The following PPP3CA variants were observed in gnomAD, a reference collection of about 807,000 sequenced individuals.
The protein encoded by PPP3CA is protein phosphatase 3 catalytic subunit alpha.
Under a neutral mutation model 66.5 loss-of-function variants are expected in PPP3CA, and 14 were observed. That is an observed-to-expected ratio of 0.21 (90% CI 0.14 to 0.33). PPP3CA has a LOEUF of 0.33. PPP3CA is among the 10% of genes least tolerant of loss of function. The probability of loss-of-function intolerance (pLI) is 1.00; values close to 1 mark genes in which losing one functional copy is unlikely to be tolerated. For missense variants in PPP3CA, 317 were observed against 639.5 expected (o/e 0.50, Z 5.44); for synonymous variants, 232 against 226.2 (o/e 1.03, Z -0.23).
intron 11 of PPP3CA, among the ~76,000 whole-genome samples, chr4:101,037,679 T>G (rs756425836): frequency 2.6e-5 from 4 of 152,176 alleles, no homozygotes; most frequent in Non-Finnish European, 5.9e-5. Flanking sequence ...GCAATTAACA[T>G]GTATAGTGAA....
chr4:101,340,557 G>GGAAT (rs1729781621), intron 1 of PPP3CA, among the ~76,000 whole-genome samples: 1 of 151,896 alleles, frequency 6.6e-6, no homozygotes, highest in Non-Finnish European at 1.5e-5. Context: ...TAACCATGGA[G>GGAAT]GAATACACAA....
chr4:101,189,831 G>A (rs780043568), intron 2 of PPP3CA, among the ~76,000 whole-genome samples: 4 of 151,720 alleles, frequency 2.6e-5, no homozygotes, highest in Non-Finnish European at 4.4e-5. Context: ...AAGCATGTTC[G>A]CTAAAATGAA....
chr4:101,201,194 T>C (rs1385354439), intron 1 of PPP3CA, among the ~76,000 whole-genome samples: 1 of 152,246 alleles, frequency 6.6e-6, no homozygotes, highest in Non-Finnish European at 1.5e-5. Context: ...AAATTGCTTA[T>C]CTAGCTTTCT....
At position 101,346,771 on chromosome 4, in the gene PPP3CA, G is replaced by C. The variant is rs777239762; in HGVS notation, c.26C>G (p.Pro9Arg). 1 of 1,611,748 alleles carries C rather than the reference G, an allele frequency of 6.2e-7. No homozygotes were observed. Among genetic ancestry groups the C allele is most frequent in the Non-Finnish European group, 8.5e-7 (1 of 1,179,252 alleles). MSEPKAID[P>R]KLSTTDRVVK... ...CACCCTGTCGGTCGTCGACAACTTG[G>C]GATCAATTGCCTTGGGCTCGGACAT... The change falls in exon 1 of 14, where the codon CCC (proline) becomes CGC (arginine). Residue 9 changes from proline to arginine, a missense_variant. By Grantham distance (103) the Pro-to-Arg change is moderately radical. Coordinates refer to ENST00000394854, the MANE Select transcript of PPP3CA (RefSeq NM_000944.5).
chr4:101,030,075 C>T (rs931122129), intron 12 of PPP3CA, among the ~76,000 whole-genome samples: 5 of 151,998 alleles, frequency 3.3e-5, no homozygotes, highest in Admixed American at 6.6e-5. Flanking sequence ...TTGAAAAGCC[C>T]ACTGCTTTAT....
Position 101,025,819 on chromosome 4 carries a change from T to TA in PPP3CA, c.*45_*46insT. 1 of 865,046 alleles carries TA rather than the reference T, an allele frequency of 1.2e-6. No homozygotes were observed. Among genetic ancestry groups the TA allele is most frequent in the South Asian group, 1.8e-5 (1 of 56,406 alleles). The allele number at this position is 865,046 out of a possible 1,614,324, so 53.6% of individuals were successfully genotyped here. A position where few individuals can be genotyped will look rare whatever the true frequency, so the allele number is the denominator to read the frequency against. ...AGCAATCCCCATCATGCCCCGCAGC[T>TA]CAAAAAAAAAAAAAAAAAAAAAAAA... On this transcript the variant is annotated 3_prime_UTR_variant, in exon 14 of 14. Transcript: ENST00000394854.
intron 1 of PPP3CA, among the ~76,000 whole-genome samples, chr4:101,335,917 G>C (rs1729615037): frequency 6.6e-6 from 1 of 152,166 alleles, no homozygotes; most frequent in African/African-American, 2.4e-5. Context: ...GGAGGACCTA[G>C]AAACTGGCCG....
Position 101,326,783 on chromosome 4 carries a change from C to T in PPP3CA, c.58+19956G>A, listed in dbSNP as rs552889936. The stretch of plus-strand genomic sequence containing the variant: ...GGTCTACAAGTAACATAAGCTTTTC[C>T]TCCCACTCACTCCCTTCATTTACAA... On this transcript the variant is annotated intron_variant, in intron 1 of 13. Transcript: ENST00000394854. 1.3e-5 allele frequency among the ~76,000 whole-genome samples: 2 copies of T among 152,304 alleles called. 1 individual carries two copies. The highest frequency in any genetic ancestry group is 4.1e-4 in the South Asian group (2 of 4,826).
intron 1 of PPP3CA, among the ~76,000 whole-genome samples, chr4:101,254,108 G>A (rs1726765900): frequency 6.6e-6 from 1 of 152,016 alleles, no homozygotes; most frequent in East Asian, 1.9e-4. Context: ...GGCCAAGTCA[G>A]TATGACTTAA....
At chr4:101,049,124 A>G (rs1399459755) in intron 10 of PPP3CA, among the ~76,000 whole-genome samples, 3 of 152,162 alleles carry the variant, frequency 2.0e-5, no homozygotes, top group African/African-American at 7.2e-5. Flanking sequence ...CTGTTTAATT[A>G]TAAGTCACTT....
intron 1 of PPP3CA, among the ~76,000 whole-genome samples, chr4:101,320,476 G>T (rs1560715863): frequency 2.6e-5 from 3 of 116,690 alleles, no homozygotes; most frequent in African/African-American, 4.0e-5. Flanking sequence ...ATGTATGTAT[G>T]TGTGTGTGTG....
chr4:101,257,040 A>G (rs1359002726), intron 1 of PPP3CA, among the ~76,000 whole-genome samples: 5 of 151,982 alleles, frequency 3.3e-5, no homozygotes, highest in Non-Finnish European at 2.9e-5. Flanking sequence ...ATTTCTTATT[A>G]TGGAACTCAT....
chr4:101,305,158 T>C (rs1728496020), intron 1 of PPP3CA, among the ~76,000 whole-genome samples: 1 of 152,190 alleles, frequency 6.6e-6, no homozygotes, highest in Non-Finnish European at 1.5e-5. Context: ...TTATCTGAAA[T>C]CAGAGCAAAT....
intron 2 of PPP3CA, among the ~76,000 whole-genome samples, chr4:101,191,770 C>T (rs1220605065): frequency 2.6e-5 from 4 of 152,168 alleles, no homozygotes; most frequent in Non-Finnish European, 5.9e-5. Context: ...GGAAGGACTG[C>T]CATGACCTTA....
chr4:101,063,552 T>C (rs1048652714), intron 8 of PPP3CA, among the ~76,000 whole-genome samples, 195 bp from the exon 9 acceptor site: 4 of 151,906 alleles, frequency 2.6e-5, no homozygotes, highest in Non-Finnish European at 5.9e-5. Flanking sequence ...CTGCACAATA[T>C]ATGAATAATT....
At chr4:101,042,024 A>C in intron 10 of PPP3CA, among the ~76,000 whole-genome samples, 1 of 152,286 alleles carries the variant, frequency 6.6e-6, no homozygotes, top group South Asian at 2.1e-4. Context: ...TTTGAAAAAA[A>C]GATTTCTACT....
At chr4:101,045,515 T>C (rs564138826) in intron 10 of PPP3CA, among the ~76,000 whole-genome samples, 1 of 152,318 alleles carries the variant, frequency 6.6e-6, no homozygotes, top group Non-Finnish European at 1.5e-5. Context: ...GTCAAGGATC[T>C]TGAAGGATAA....
At chr4:101,261,902 G>T (rs1727021410) in intron 1 of PPP3CA, among the ~76,000 whole-genome samples, 1 of 151,470 alleles carries the variant, frequency 6.6e-6, no homozygotes. Context: ...AAGCATTAAT[G>T]ATTATTCTTC....
At chr4:101,197,946 T>C (rs1172152161) in intron 1 of PPP3CA, among the ~76,000 whole-genome samples, 1 of 152,210 alleles carries the variant, frequency 6.6e-6, no homozygotes, top group Non-Finnish European at 1.5e-5. Flanking sequence ...TAAGTAAAAA[T>C]GATTAATAAA....
Sources: gnomAD v4.1 joint callset for allele counts (sites outside exome capture counted in the v4.1 genomes callset) on GRCh38, gnomAD v4.1.1 for gene constraint, MANE v1.5 for transcripts, NCBI Gene and HGNC (gene_info 2026-07-23, HGNC 2026-07-21) for gene names.